The following NELL2 variants were observed in gnomAD, a reference collection of about 807,000 sequenced individuals.
NELL2 encodes the protein neural EGFL like 2.
NELL2 carries 41 observed loss-of-function variants against 109.6 expected under a neutral mutation model. The ratio of observed to expected loss-of-function variants is 0.37; its 90% CI spans 0.29 to 0.49. The LOEUF is 0.49. NELL2 is among the 20% of genes least tolerant of loss of function. NELL2 has a pLI of 0.98. For synonymous variants in NELL2, 355 were observed against 344.7 expected, an observed-to-expected ratio of 1.03 and a Z score of -0.33; for missense variants, 900 against 1,008.3, an observed-to-expected ratio of 0.89 and a Z score of 1.45.
At chr12:44,762,527 A>T (rs1321564300) in intron 9 of NELL2, among the ~76,000 whole-genome samples, 1 of 152,212 alleles carries the variant, frequency 6.6e-6, no homozygotes, top group Non-Finnish European at 1.5e-5. Context: ...ATGTGTAACC[A>T]GCAATCCACT....
intron 12 of NELL2, among the ~76,000 whole-genome samples, chr12:44,680,750 A>G (rs1360278789): frequency 6.6e-6 from 1 of 152,080 alleles, no homozygotes; most frequent in Non-Finnish European, 1.5e-5. Flanking sequence ...CAAAACTCAA[A>G]TATCTCCCTG....
chr12:44,762,546 C>T (rs907189475), intron 9 of NELL2, among the ~76,000 whole-genome samples: 3 of 152,170 alleles, frequency 2.0e-5, no homozygotes, highest in African/African-American at 7.2e-5. Flanking sequence ...CTGCCCTTGG[C>T]GTAATAATAA....
intron 1 of NELL2, among the ~76,000 whole-genome samples, chr12:44,909,844 A>G (rs1367213871): frequency 6.6e-6 from 1 of 151,772 alleles, no homozygotes; most frequent in Non-Finnish European, 1.5e-5. Context: ...CAGCCATCTG[A>G]TACTCAACCA....
chr12:44,731,030 A>T (rs1177507557), intron 9 of NELL2, among the ~76,000 whole-genome samples: 2 of 152,140 alleles, frequency 1.3e-5, no homozygotes, highest in Non-Finnish European at 2.9e-5. Flanking sequence ...GAAGAAATGG[A>T]TAAATTTTAG....
At chr12:44,592,111 T>A (rs377642513) in intron 15 of NELL2, among the ~76,000 whole-genome samples, 4 of 152,282 alleles carry the variant, frequency 2.6e-5, no homozygotes, top group African/African-American at 7.2e-5. Context: ...ACTATTCAAA[T>A]CAAGAGTCTA....
At chr12:44,691,663 A>T (rs1456371303) in intron 12 of NELL2, among the ~76,000 whole-genome samples, 1 of 152,166 alleles carries the variant, frequency 6.6e-6, no homozygotes, top group Non-Finnish European at 1.5e-5. Flanking sequence ...CAAAGGAAGG[A>T]ATATAAAAGT....
chr12:44,777,137 A>G lies in NELL2; in HGVS notation c.680-13T>C, dbSNP rs1298927683. On this transcript the variant is annotated splice_polypyrimidine_tract_variant and intron_variant, in intron 6 of 19. Transcript: ENST00000429094. ...CAAGTTGGACAGGCTGGAATTACAAACACTACATTTGGTCAAGATGCATTT... is the reference window on the plus strand; with the variant it reads ...CAAGTTGGACAGGCTGGAATTACAAGCACTACATTTGGTCAAGATGCATTT... 6 of 1,613,718 alleles carry G rather than the reference A, an allele frequency of 3.7e-6. No homozygotes were observed. Among genetic ancestry groups the G allele is most frequent in the Non-Finnish European group, 4.2e-6 (5 of 1,179,760 alleles).
chr12:44,711,162 G>A (rs969160130), intron 11 of NELL2, 130 bp downstream of exon 11: 5 of 642,238 alleles, frequency 7.8e-6, no homozygotes, highest in Non-Finnish European at 1.4e-5. Flanking sequence ...GCCAAATTAG[G>A]AGAGCATATA....
At chr12:44,747,307 G>A (rs1940424009) in intron 9 of NELL2, among the ~76,000 whole-genome samples, 1 of 152,042 alleles carries the variant, frequency 6.6e-6, no homozygotes, top group Admixed American at 6.6e-5. Context: ...TGTAAGGTGG[G>A]GGAAGGGGGG....
intron 2 of NELL2, chr12:44,874,911 G>T: frequency 4.4e-6 from 1 of 225,184 alleles, no homozygotes; most frequent in Non-Finnish European, 8.7e-6. Context: ...TCACCCAAAC[G>T]AGGCGTTTGT....
chr12:44,745,731 A>G (rs1331368785), intron 9 of NELL2, among the ~76,000 whole-genome samples: 2 of 152,210 alleles, frequency 1.3e-5, no homozygotes. Flanking sequence ...CTGGGAATCC[A>G]ACTTAGAAGG....
chr12:44,749,660 A>G (rs1315736689), intron 9 of NELL2, among the ~76,000 whole-genome samples: 1 of 152,176 alleles, frequency 6.6e-6, no homozygotes, highest in East Asian at 1.9e-4. Flanking sequence ...ATGTGTAGCT[A>G]ACACGAATAA....
rs1939681844 is a variant in NELL2, at chr12:44,736,897, A to T, written c.995-22156T>A. 2.6e-5 allele frequency among the ~76,000 whole-genome samples: 4 copies of T among 152,192 alleles called. No individual in the cohort carries two copies. The South Asian group carries it at 8.3e-4, about 32-fold the overall frequency. On this transcript the variant is annotated intron_variant, in intron 9 of 19. Coordinates refer to ENST00000429094, the MANE Select transcript of NELL2 (RefSeq NM_001145108.2). ...AGCATAAATTTAATTTTTATTAAAA[A>T]TAATAGAAAATTTCCTAATTTATTT...
At chr12:44,712,413 A>G (rs1938253068) in intron 10 of NELL2, among the ~76,000 whole-genome samples, 1 of 152,052 alleles carries the variant, frequency 6.6e-6, no homozygotes, top group East Asian at 1.9e-4. Context: ...TTGGTTTAGT[A>G]GTAATATCAG....
At chr12:44,716,737 A>G (rs1188846464) in intron 9 of NELL2, among the ~76,000 whole-genome samples, 2 of 152,132 alleles carry the variant, frequency 1.3e-5, no homozygotes, top group Non-Finnish European at 1.5e-5. Context: ...ATATTATACG[A>G]CTTGATAACT....
chr12:44,656,468 C>G (rs1281043963), intron 13 of NELL2, among the ~76,000 whole-genome samples: 1 of 152,108 alleles, frequency 6.6e-6, no homozygotes, highest in Admixed American at 6.6e-5. Flanking sequence ...TGAAAGGGTC[C>G]CAGTGAGAAA....
chr12:44,921,268 A>G lies in NELL2; in HGVS notation c.-32+522T>C, dbSNP rs566809758. The stretch of plus-strand genomic sequence containing the variant: ...TTGTGCAAATCGTGGTCTAATTTCA[A>G]TTCATTTGCAAGCATTTACTGAGTA... On this transcript the variant is annotated intron_variant, in intron 1 of 9. Coordinates refer to the NELL2 transcript ENST00000552993. 5.1e-4 allele frequency among the ~76,000 whole-genome samples: 78 copies of G among 152,320 alleles called. 5 individuals carry two copies. In the South Asian group the frequency reaches 0.016, roughly 30 times the overall value.
chr12:44,919,573 G>A (rs1945854186), intron 1 of NELL2, among the ~76,000 whole-genome samples: 1 of 152,166 alleles, frequency 6.6e-6, no homozygotes, highest in South Asian at 2.1e-4. Flanking sequence ...GGGAAATTTA[G>A]ACAGAGACAG....
chr12:44,857,480 G>A (rs1406616655), intron 2 of NELL2, among the ~76,000 whole-genome samples: 1 of 151,976 alleles, frequency 6.6e-6, no homozygotes, highest in Non-Finnish European at 1.5e-5. Context: ...CATTCCACCG[G>A]CCCCTGAAAC....
Sources: allele counts gnomAD v4.1 joint callset (sites outside exome capture counted in the v4.1 genomes callset), GRCh38; gene constraint gnomAD v4.1.1; transcripts MANE v1.5; gene names NCBI Gene and HGNC (gene_info 2026-07-23, HGNC 2026-07-21).